The following STK3 variants were observed in gnomAD, a reference collection of about 807,000 sequenced individuals.
STK3 encodes serine/threonine-protein kinase 3.
STK3 carries 41 observed loss-of-function variants against 58.0 expected under a neutral mutation model. The observed-to-expected ratio is 0.71, with a 90% CI of 0.55 to 0.92. The LOEUF (loss-of-function observed/expected upper bound fraction) is 0.92, where lower values mean the gene tolerates loss of function less well. Ranked by LOEUF, STK3 falls within the 40% of genes least tolerant of loss-of-function variation. The probability of loss-of-function intolerance (pLI) is 0.00; values close to 1 mark genes in which losing one functional copy is unlikely to be tolerated. For missense variants in STK3, 479 were observed against 602.7 expected (o/e 0.79, Z 2.15); for synonymous variants, 170 against 191.0 (o/e 0.89, Z 0.91).
intron 3 of STK3, among the ~76,000 whole-genome samples, chr8:98,860,839 G>C (rs1836906613): frequency 6.6e-6 from 1 of 152,100 alleles, no homozygotes. Flanking sequence ...CAGACACCTT[G>C]AGTCCAGGAG....
chr8:98,814,602 G>C (rs1343170262), intron 1 of STK3, among the ~76,000 whole-genome samples: 1 of 152,066 alleles, frequency 6.6e-6, no homozygotes, highest in Non-Finnish European at 1.5e-5. Flanking sequence ...AACCCCCCAG[G>C]CTCAGGCAAT....
chr8:98,377,337 A>C (rs1408700054), intron 2 of STK3, among the ~76,000 whole-genome samples: 1 of 152,094 alleles, frequency 6.6e-6, no homozygotes, highest in African/African-American at 2.4e-5. Context: ...GCAGAATTTA[A>C]ATTTTATGTA....
chr8:98,877,673 G>C (rs1244880456), intron 3 of STK3, among the ~76,000 whole-genome samples: 1 of 152,008 alleles, frequency 6.6e-6, no homozygotes, highest in African/African-American at 2.4e-5. Flanking sequence ...AGTAGAGACG[G>C]GGTTTCTCCA....
At position 98,591,465 on chromosome 8, in the gene STK3, T is replaced by C. The variant is rs1226096821; in HGVS notation, c.822+4567A>G. Among the ~76,000 whole-genome samples the C allele has an allele frequency of 2.0e-5, 3 of 152,258 alleles. No homozygotes were observed. In the East Asian group the frequency reaches 5.8e-4, roughly 29 times the overall value. Reference sequence around the variant, plus strand: ...TGGGGTTTATCAGGACCTAACTCCATTGTAAGTTAAGGAGCACTTGTACTT... The same window carrying C: ...TGGGGTTTATCAGGACCTAACTCCACTGTAAGTTAAGGAGCACTTGTACTT... On this transcript the variant is annotated intron_variant, in intron 7 of 10. Transcript: ENST00000419617.
At chr8:98,881,014 G>A (rs574577123), downstream of STK3, 2 of 152,280 alleles carry the variant, frequency 1.3e-5, no homozygotes, top group East Asian at 3.9e-4. Context: ...ACCTGCATAT[G>A]AATGTTTAGT....
chr8:98,737,405 T>C (rs1262618679), intron 4 of STK3, among the ~76,000 whole-genome samples: 2 of 152,066 alleles, frequency 1.3e-5, no homozygotes, highest in East Asian at 3.9e-4. Context: ...TTAAGAGAAA[T>C]AAATGGGGTA....
intron 6 of STK3, among the ~76,000 whole-genome samples, chr8:98,633,176 G>T (rs940648480): frequency 9.2e-5 from 14 of 152,060 alleles, no homozygotes; most frequent in African/African-American, 3.1e-4. Context: ...GTAGAAAAAA[G>T]ATGGGAGAAA....
chr8:98,845,273 G>A (rs1836160631), intron 3 of STK3, among the ~76,000 whole-genome samples: 1 of 152,048 alleles, frequency 6.6e-6, no homozygotes, highest in East Asian at 1.9e-4. Context: ...TATGTCTTAT[G>A]TGCTTACTTG....
intron 3 of STK3, among the ~76,000 whole-genome samples, chr8:98,417,193 G>A (rs1818124751): frequency 6.6e-6 from 1 of 152,214 alleles, no homozygotes; most frequent in Admixed American, 6.5e-5. Flanking sequence ...GTGGAAGGCT[G>A]TAGAGAAGCA....
rs534435999 is a variant in STK3, at chr8:98,710,376, G to A, written c.352-3065C>T. ...CACCTGGGAAGTGCAAGGGGTCAGGGAATTCCCTTTCCTAGTCAAAGAAAG... is the reference window on the plus strand; with the variant it reads ...CACCTGGGAAGTGCAAGGGGTCAGGAAATTCCCTTTCCTAGTCAAAGAAAG... On this transcript the variant is annotated intron_variant, in intron 4 of 10. Transcript: ENST00000419617. Among the ~76,000 whole-genome samples the A allele has an allele frequency of 6.8e-3, 1,035 of 152,288 alleles. 8 individuals are homozygous for A. Among genetic ancestry groups the A allele is most frequent in the African/African-American group, 0.023 (971 of 41,554 alleles).
chr8:98,705,368 G>A (rs1478715137), intron 6 of STK3, among the ~76,000 whole-genome samples: 1 of 150,894 alleles, frequency 6.6e-6, no homozygotes, highest in East Asian at 1.9e-4. Context: ...AGCCATGATC[G>A]CACTACTACA....
intron 1 of STK3, among the ~76,000 whole-genome samples, chr8:98,448,604 C>T (rs560448680): frequency 6.6e-6 from 1 of 152,282 alleles, no homozygotes; most frequent in South Asian, 2.1e-4. Context: ...ATTTAGCTTC[C>T]ACTCAACTAA....
intron 4 of STK3, among the ~76,000 whole-genome samples, chr8:98,733,286 G>A (rs1202050507): frequency 1.3e-5 from 2 of 152,212 alleles, no homozygotes; most frequent in African/African-American, 2.4e-5. Context: ...TAAAGCAGGA[G>A]TCCCCAACCC....
At chr8:98,735,774 C>G (rs1179529059) in intron 4 of STK3, among the ~76,000 whole-genome samples, 3 of 152,108 alleles carry the variant, frequency 2.0e-5, no homozygotes, top group Non-Finnish European at 4.4e-5. Flanking sequence ...AAATCTCTAC[C>G]CTTTACAACT....
chr8:98,894,803 A>G (rs1340108707), intron 1 of STK3, among the ~76,000 whole-genome samples: 1 of 152,234 alleles, frequency 6.6e-6, no homozygotes, highest in South Asian at 2.1e-4. Context: ...TTACTCCTCT[A>G]ATTGGAATTT....
chr8:98,551,182 G>T (rs561313025), intron 8 of STK3, among the ~76,000 whole-genome samples: 1 of 152,070 alleles, frequency 6.6e-6, no homozygotes, highest in Non-Finnish European at 1.5e-5. Flanking sequence ...TTCAGATCAA[G>T]TATCTACTAC....
At chr8:98,618,501 T>C (rs1193056187) in intron 6 of STK3, among the ~76,000 whole-genome samples, 5 of 151,478 alleles carry the variant, frequency 3.3e-5, no homozygotes, top group Non-Finnish European at 7.4e-5. Context: ...GGGTATTCAA[T>C]TAGGAAAAGA....
chr8:98,379,118 G>C (rs1326625536), intron 2 of STK3: 1 of 152,084 alleles, frequency 6.6e-6, no homozygotes, highest in Non-Finnish European at 1.5e-5. Flanking sequence ...GGGGAAGCAT[G>C]GTTTGGGTAA....
At chr8:98,840,776 T>A (rs1003986034) in intron 3 of STK3, among the ~76,000 whole-genome samples, 1 of 151,894 alleles carries the variant, frequency 6.6e-6, no homozygotes, top group Non-Finnish European at 1.5e-5. Flanking sequence ...AAGTCAGAAA[T>A]CCAGGTGCAA....
Sources: allele counts gnomAD v4.1 joint callset (sites outside exome capture counted in the v4.1 genomes callset), GRCh38; gene constraint gnomAD v4.1.1; transcripts MANE v1.5; gene names NCBI Gene and HGNC (gene_info 2026-07-23, HGNC 2026-07-21).